The following TRIM67 variants were observed in gnomAD, a reference collection of about 807,000 sequenced individuals.
The protein encoded by TRIM67 is tripartite motif-containing protein 67.
In TRIM67, 39 loss-of-function variants were observed where a neutral mutation model predicts 71.0. The ratio of observed to expected loss-of-function variants is 0.55; its 90% CI spans 0.43 to 0.72. TRIM67 has a LOEUF of 0.72. Ranked by LOEUF, TRIM67 falls within the 30% of genes least tolerant of loss-of-function variation. The pLI, the probability that TRIM67 is intolerant of heterozygous loss-of-function variation, is 0.00. For missense variants in TRIM67, 973 were observed against 1,079.2 expected (o/e 0.90, Z 1.38); for synonymous variants, 481 against 473.9 (o/e 1.01, Z -0.19).
chr1:231,184,461 A>G (rs1571880036), intron 1 of TRIM67: 1 of 154,630 alleles, frequency 6.5e-6, no homozygotes, highest in East Asian at 1.9e-4. Flanking sequence ...TGCAGTAGGC[A>G]AATGGCTTTC....
intron 1 of TRIM67, among the ~76,000 whole-genome samples, chr1:231,166,560 T>G (rs1682471404): frequency 8.4e-6 from 1 of 118,434 alleles, no homozygotes; most frequent in African/African-American, 3.3e-5. Flanking sequence ...TGTTGTTATC[T>G]AAAAATCTCA....
At chr1:231,187,539 A>G in intron 1 of TRIM67, 3 of 1,532,810 alleles carry the variant, frequency 2.0e-6, no homozygotes, top group South Asian at 2.4e-5. Flanking sequence ...GGGCAGATAA[A>G]AAGGTGAGAG....
At chr1:231,185,595 C>A (rs138881460) in intron 1 of TRIM67, among the ~76,000 whole-genome samples, 1 of 151,978 alleles carries the variant, frequency 6.6e-6, no homozygotes, top group East Asian at 1.9e-4. Context: ...GGAGCCCAGA[C>A]GCGTCCTGCC....
At chr1:231,172,445 CCTCT>C (rs1323501744) in intron 1 of TRIM67, among the ~76,000 whole-genome samples, 3 of 152,042 alleles carry the variant, frequency 2.0e-5, no homozygotes, top group Non-Finnish European at 2.9e-5. Flanking sequence ...ACTAGCGTTC[CCTCT>C]CTATTTTACA....
rs3049035 is a variant in TRIM67 at position 231,193,503 on chromosome 1, G to GCTCTCTCTCTCTCTCTCTCTCTCTCT, written c.1045-3846_1045-3821dup. On this transcript the variant is annotated intron_variant, in intron 1 of 9. Coordinates refer to ENST00000366653, the MANE Select transcript of TRIM67 (RefSeq NM_001004342.5). ...AAGAGACACCTGAACTCTCTCTCAA[G>GCTCTCTCTCTCTCTCTCTCTCTCTCT]CTCTCTCTCTCTCTCTCTCTCTCTC... is the stretch of plus-strand genomic sequence containing the variant. Among the ~76,000 whole-genome samples, 11 of 81,992 alleles carry GCTCTCTCTCTCTCTCTCTCTCTCTCT rather than the reference G, an allele frequency of 1.3e-4. 2 individuals carry two copies. Among genetic ancestry groups the GCTCTCTCTCTCTCTCTCTCTCTCTCT allele is most frequent in the African/African-American group, 2.7e-4 (6 of 21,962 alleles). The allele number at this position is 81,992 out of a possible 152,430, so 53.8% of individuals were successfully genotyped here. A position where few individuals can be genotyped will look rare whatever the true frequency, so the allele number is the denominator to read the frequency against.
At chr1:231,192,615 A>C (rs566524046) in intron 1 of TRIM67, among the ~76,000 whole-genome samples, 1 of 152,260 alleles carries the variant, frequency 6.6e-6, no homozygotes, top group Non-Finnish European at 1.5e-5. Flanking sequence ...ATTCACACAC[A>C]AAGGACTGGG....
intron 5 of TRIM67, among the ~76,000 whole-genome samples, chr1:231,202,253 A>ATGGAGGAGG (rs1683571664): frequency 8.6e-5 from 1 of 11,666 alleles, no homozygotes. Flanking sequence ...GGTAGTGGAG[A>ATGGAGGAGG]AGGAGGAGGT....
Position 231,220,027 on chromosome 1 carries a change from T to A in TRIM67, c.*4587T>A, listed in dbSNP as rs766232581. 2.6e-6 allele frequency: 3 copies of A among 1,137,398 alleles called. No homozygotes were observed. The highest frequency in any genetic ancestry group is 3.5e-6 in the Non-Finnish European group (3 of 849,842). The allele number at this position is 1,137,398 out of a possible 1,614,324, so 70.5% of individuals were successfully genotyped here. A position where few individuals can be genotyped will look rare whatever the true frequency, so the allele number is the denominator to read the frequency against. ...CTTTCTGTGCCTCAGTATCCCCACC[T>A]GAAATGAGACTAGTCATACTAACCT... On this transcript the variant is annotated 3_prime_UTR_variant, in exon 10 of 10. Coordinates refer to ENST00000366653, the MANE Select transcript of TRIM67 (RefSeq NM_001004342.5).
chr1:231,206,541 A>G (rs1448907174), intron 6 of TRIM67, 111 bp from the exon 7 acceptor site: 1 of 1,139,558 alleles, frequency 8.8e-7, no homozygotes, highest in Non-Finnish European at 1.2e-6. Flanking sequence ...AGTAGCTGGG[A>G]CTACACCTGG....
rs1461952200 is a variant in TRIM67 at position 231,163,788 on chromosome 1, C to T, written c.819C>T (p.Gly273=). Residue 273 remains glycine, a synonymous_variant, in exon 1 of 10, where the codon GGC becomes GGT. Transcript: ENST00000366653. ...CCGGGCCCACTGGCACCGCCCAGGG[C>T]GCCCCCAGCGGAGGCGGCGGCTGCA... ...AASGPTGTAQ[G]APSGGGGCKS... The T allele has an allele frequency of 1.3e-6, 2 of 1,489,032 alleles. No homozygotes were observed. Among genetic ancestry groups the T allele is most frequent in the African/African-American group, 1.4e-5 (1 of 69,360 alleles). 92.2% of individuals were successfully genotyped at this position (1,489,032 alleles called of 1,614,324 possible).
intron 1 of TRIM67, among the ~76,000 whole-genome samples, chr1:231,168,393 C>T (rs984513961): frequency 4.6e-5 from 7 of 152,200 alleles, no homozygotes; most frequent in Admixed American, 2.0e-4. Flanking sequence ...ACAAACATTT[C>T]GCTTGTTAAG....
At chr1:231,185,814 C>T (rs903413849) in intron 1 of TRIM67, among the ~76,000 whole-genome samples, 5 of 151,694 alleles carry the variant, frequency 3.3e-5, no homozygotes, top group Admixed American at 2.6e-4. Flanking sequence ...CGGAGGTAAG[C>T]GAGAGGTGAT....
intron 1 of TRIM67, among the ~76,000 whole-genome samples, chr1:231,177,285 A>G (rs986062437): frequency 6.6e-6 from 1 of 152,208 alleles, no homozygotes; most frequent in Non-Finnish European, 1.5e-5. Flanking sequence ...TTGACGACAG[A>G]GAGAAAGCTC....
intron 1 of TRIM67, among the ~76,000 whole-genome samples, chr1:231,189,140 A>C (rs1225877198): frequency 6.6e-6 from 1 of 152,196 alleles, no homozygotes; most frequent in Non-Finnish European, 1.5e-5. Flanking sequence ...GGGATGCGAC[A>C]CTGGATAAAT....
intron 9 of TRIM67, among the ~76,000 whole-genome samples, chr1:231,214,436 G>A (rs937775236): frequency 4.6e-5 from 7 of 152,090 alleles, no homozygotes; most frequent in Non-Finnish European, 8.8e-5. Context: ...CTGATTGATC[G>A]ATTCGATCCT....
At position 231,219,862 on chromosome 1, in the gene TRIM67, A is replaced by G; in HGVS notation, c.*4422A>G. 7.8e-7 allele frequency: 1 copy of G among 1,289,748 alleles called. No individual in the cohort carries two copies. The allele number at this position is 1,289,748 out of a possible 1,614,324, so 79.9% of individuals were successfully genotyped here. Reference sequence around the variant, plus strand: ...CAAAGGATCCTGCAGCTTTAACCTAATATCTAGGCTGTAAAAATATGAGGG... The same window carrying G: ...CAAAGGATCCTGCAGCTTTAACCTAGTATCTAGGCTGTAAAAATATGAGGG... On this transcript the variant is annotated 3_prime_UTR_variant, in exon 10 of 10. Coordinates refer to ENST00000366653, the MANE Select transcript of TRIM67 (RefSeq NM_001004342.5).
intron 2 of TRIM67, 108 bp downstream of exon 2, chr1:231,197,574 C>T (rs531029384): frequency 2.0e-6 from 2 of 1,015,720 alleles, no homozygotes; most frequent in East Asian, 2.6e-5. Context: ...ACCTGTAATC[C>T]CAACACTTTG....
chr1:231,207,726 A>G (rs1683744233), intron 7 of TRIM67, among the ~76,000 whole-genome samples: 1 of 152,196 alleles, frequency 6.6e-6, no homozygotes, highest in African/African-American at 2.4e-5. Flanking sequence ...CCACCTGCAG[A>G]GTCACTTTGT....
intron 1 of TRIM67, among the ~76,000 whole-genome samples, chr1:231,175,572 G>A (rs1218127265): frequency 3.3e-5 from 5 of 152,222 alleles, no homozygotes; most frequent in Admixed American, 3.3e-4. Flanking sequence ...ACCCGCACAC[G>A]CAGCCGGCTG....
Sources: gnomAD v4.1 joint callset for allele counts (sites outside exome capture counted in the v4.1 genomes callset) on GRCh38, gnomAD v4.1.1 for gene constraint, MANE v1.5 for transcripts, NCBI Gene and HGNC (gene_info 2026-07-23, HGNC 2026-07-21) for gene names.